Variants in CISH observed in about 807,000 individuals in gnomAD.
The protein encoded by CISH is cytokine-inducible SH2-containing protein.
CISH carries 11 observed loss-of-function variants against 21.3 expected under a neutral mutation model. The observed-to-expected ratio is 0.52, with a 90% CI of 0.32 to 0.85. CISH has a LOEUF of 0.85. CISH is among the 40% of genes least tolerant of loss of function. The pLI, the probability that CISH is intolerant of heterozygous loss-of-function variation, is 0.03. For synonymous variants in CISH, 118 were observed against 142.3 expected (o/e 0.83, Z 1.22); for missense variants, 280 against 351.7 (o/e 0.80, Z 1.63).
intron 2 of CISH, 35 bp from the exon 3 acceptor site, chr3:50,608,177 G>A: frequency 1.3e-6 from 2 of 1,571,394 alleles, no homozygotes; most frequent in Non-Finnish European, 1.7e-6. Context: ...GGGACATAGT[G>A]GAAATTAGCT....
intron 1 of CISH, chr3:50,610,063 C>T (rs1419923305): frequency 7.3e-6 from 3 of 408,304 alleles, no homozygotes; most frequent in Non-Finnish European, 1.4e-5. Context: ...CCACACAACT[C>T]TGGCACACCA....
Position 50,607,279 on chromosome 3 carries a change from C to T in CISH, c.*328G>A, listed in dbSNP as rs889233680. On this transcript the variant is annotated 3_prime_UTR_variant, in exon 3 of 3. Coordinates refer to ENST00000348721, the MANE Select transcript of CISH (RefSeq NM_145071.4). ...GATTGAAAAACCAGGGCTGAGAGTG[C>T]CCATACAGTTCAGGTGGCCAGGGCA... The T allele has an allele frequency of 3.0e-6, 1 of 332,664 alleles. No homozygotes were observed. The highest frequency in any genetic ancestry group is 5.7e-6 in the Non-Finnish European group (1 of 176,502). The allele number at this position is 332,664 out of a possible 1,614,324, so 20.6% of individuals were successfully genotyped here.
intron 1 of CISH, 138 bp from the exon 2 acceptor site, chr3:50,608,731 C>G (rs1232825625): frequency 3.7e-6 from 2 of 538,682 alleles, no homozygotes; most frequent in African/African-American, 3.9e-5. Flanking sequence ...TCTACCCAGC[C>G]ATGGGCTCAG....
intron 1 of CISH, chr3:50,608,890 A>C: frequency 2.8e-6 from 1 of 351,742 alleles, no homozygotes; most frequent in Non-Finnish European, 5.1e-6. Flanking sequence ...AACCAAAAAC[A>C]CAGATCATTC....
At chr3:50,608,337 A>G in intron 2 of CISH, 36 bp downstream of exon 2, 3 of 1,551,414 alleles carry the variant, frequency 1.9e-6, no homozygotes, top group Non-Finnish European at 2.6e-6. Context: ...CCACCAGACT[A>G]CTCAGGAAAA....
chr3:50,610,905 G>C (rs946402586), intron 1 of CISH: 5 of 1,017,608 alleles, frequency 4.9e-6, no homozygotes, highest in Admixed American at 5.2e-5. Context: ...AGAGTGGATG[G>C]CCAGGAATGC....
chr3:50,607,047 G>A lies in CISH; in HGVS notation c.*560C>T, dbSNP rs1026376989. On this transcript the variant is annotated 3_prime_UTR_variant, in exon 3 of 3. Transcript: ENST00000348721. The stretch of plus-strand genomic sequence containing the variant: ...AGAGTTGGGGTCTCTGGACTACCAG[G>A]GCTCAGGGCATAGAGGTGGGGTTGG... 6.5e-6 allele frequency: 1 copy of A among 153,562 alleles called. No homozygotes were observed. Among genetic ancestry groups the A allele is most frequent in the African/African-American group, 2.4e-5 (1 of 41,392 alleles). 9.5% of individuals were successfully genotyped at this position (153,562 alleles called of 1,614,324 possible). A position where few individuals can be genotyped will look rare whatever the true frequency, so the allele number is the denominator to read the frequency against.
At chr3:50,608,330 C>G (rs771028293) in intron 2 of CISH, 43 bp downstream of exon 2, 1 of 1,542,344 alleles carries the variant, frequency 6.5e-7, no homozygotes, top group Non-Finnish European at 8.8e-7. Flanking sequence ...GCTTCTCCCA[C>G]CAGACTACTC....
chr3:50,611,145 G>A (rs1330702996), intron 1 of CISH: 15 of 998,206 alleles, frequency 1.5e-5, no homozygotes, highest in Non-Finnish European at 1.8e-5. Flanking sequence ...CCTGAGGAAA[G>A]GCAAGGATCT....
chr3:50,607,360 C>G lies in CISH; in HGVS notation c.*247G>C. The G allele has an allele frequency of 3.7e-6, 2 of 539,590 alleles. No individual in the cohort carries two copies. The highest frequency in any genetic ancestry group is 4.7e-5 in the South Asian group (2 of 42,132). 33.4% of individuals were successfully genotyped at this position (539,590 alleles called of 1,614,324 possible). ...ACAGGTGAGACAAGGTCCTGCCTGT[C>G]TCCCCATCCTCTGACACATGGCTCA... is the stretch of plus-strand genomic sequence containing the variant. On this transcript the variant is annotated 3_prime_UTR_variant, in exon 3 of 3. Coordinates refer to ENST00000348721, the MANE Select transcript of CISH (RefSeq NM_145071.4).
At chr3:50,610,692 A>G in intron 1 of CISH, 1 of 1,364,180 alleles carries the variant, frequency 7.3e-7, no homozygotes, top group Non-Finnish European at 9.5e-7. Flanking sequence ...CAGCACCTCC[A>G]TGTCCTCTTC....
rs199906301 is a variant in CISH at position 50,608,158 on chromosome 3, G to A, written c.242-16C>T. On this transcript the variant is annotated splice_polypyrimidine_tract_variant and intron_variant, in intron 2 of 2. Coordinates refer to ENST00000348721, the MANE Select transcript of CISH (RefSeq NM_145071.4). ...CAATACCAGCCTAGGCAAGTGCAGA[G>A]GGGGCCAAGGGACATAGTGGAAATT... 1.8e-5 allele frequency: 28 copies of A among 1,584,940 alleles called. No individual in the cohort carries two copies. Among genetic ancestry groups the A allele is most frequent in the Non-Finnish European group, 2.4e-5 (28 of 1,162,438 alleles).
At chr3:50,611,388 T>C in intron 1 of CISH, 1 of 1,356,766 alleles carries the variant, frequency 7.4e-7, no homozygotes, top group Non-Finnish European at 9.4e-7. Flanking sequence ...GCCCACCCTG[T>C]GAGTTCCTCC....
intron 1 of CISH, chr3:50,610,348 C>T: frequency 6.4e-7 from 1 of 1,551,048 alleles, no homozygotes; most frequent in Non-Finnish European, 8.7e-7. Context: ...GTGTTGATCA[C>T]CACAAGCTCC....
chr3:50,611,586 G>A lies in CISH; in HGVS notation c.20+45C>T, dbSNP rs200785179. 498 of 1,523,844 alleles carry A rather than the reference G, an allele frequency of 3.3e-4. 1 individual carries two copies. The African/African-American group carries it at 6.0e-3, about 18-fold the overall frequency. The allele number at this position is 1,523,844 out of a possible 1,614,324, so 94.4% of individuals were successfully genotyped here. On this transcript the variant is annotated intron_variant, in intron 1 of 2. Transcript: ENST00000348721. Reference sequence around the variant, plus strand: ...TAGCACGAAGCCCCTGTTCTCCCGTGCGCCCCTCGTGGTGGCCGGGAAGGG... The same window carrying A: ...TAGCACGAAGCCCCTGTTCTCCCGTACGCCCCTCGTGGTGGCCGGGAAGGG...
Position 50,607,454 on chromosome 3 carries a change from G to T in CISH, c.*153C>A. On this transcript the variant is annotated 3_prime_UTR_variant, in exon 3 of 3. Coordinates refer to ENST00000348721, the MANE Select transcript of CISH (RefSeq NM_145071.4). ...TTGTGTGACACCTCCCCTCTCCCAT[G>T]CCTTGCTCTTGCTGGCTCTTCCTGG... 1 of 754,176 alleles carries T rather than the reference G, an allele frequency of 1.3e-6. No homozygotes were observed. Among genetic ancestry groups the T allele is most frequent in the Non-Finnish European group, 2.1e-6 (1 of 465,886 alleles). 46.7% of individuals were successfully genotyped at this position (754,176 alleles called of 1,614,324 possible).
At position 50,611,749 on chromosome 3, in the gene CISH, G is replaced by C. The variant is rs2107562311; in HGVS notation, c.-99C>G. The stretch of plus-strand genomic sequence containing the variant: ...GGAGCGCGTGCTGGGTAGGCTCCCG[G>C]GGCGCGCGGGCGCAGGACAGGGACT... On this transcript the variant is annotated 5_prime_UTR_variant, in exon 1 of 3. Coordinates refer to ENST00000348721, the MANE Select transcript of CISH (RefSeq NM_145071.4). The C allele has an allele frequency of 7.2e-7, 1 of 1,380,296 alleles. No homozygotes were observed. Among genetic ancestry groups the C allele is most frequent in the South Asian group, 1.6e-5 (1 of 61,118 alleles). 85.5% of individuals were successfully genotyped at this position (1,380,296 alleles called of 1,614,324 possible).
intron 1 of CISH, chr3:50,611,146 G>T: frequency 1.0e-6 from 1 of 998,502 alleles, no homozygotes; most frequent in Non-Finnish European, 1.2e-6. Flanking sequence ...CTGAGGAAAG[G>T]CAAGGATCTG....
At position 50,611,656 on chromosome 3, in the gene CISH, C is replaced by T. The variant is rs755200951; in HGVS notation, c.-6G>A. On this transcript the variant is annotated 5_prime_UTR_variant, in exon 1 of 3. Coordinates refer to ENST00000348721, the MANE Select transcript of CISH (RefSeq NM_145071.4). The stretch of plus-strand genomic sequence containing the variant: ...CCCTGAACGCAGAGGACCATGTCCC[C>T]GCGGCAGCGGCGACTCCGGAGTGGG... The T allele has an allele frequency of 5.4e-6, 8 of 1,487,964 alleles. No individual in the cohort carries two copies. The Admixed American group carries it at 7.5e-5, about 14-fold the overall frequency. 92.2% of individuals were successfully genotyped at this position (1,487,964 alleles called of 1,614,324 possible).
Sources: gnomAD v4.1 joint callset for allele counts on GRCh38, gnomAD v4.1.1 for gene constraint, MANE v1.5 for transcripts, NCBI Gene and HGNC (gene_info 2026-07-23, HGNC 2026-07-21) for gene names.